The following BCL2L12 variants were observed in gnomAD, a reference collection of about 807,000 sequenced individuals.
BCL2L12 encodes the protein bcl-2-like protein 12.
In BCL2L12, 27 loss-of-function variants were observed where a neutral mutation model predicts 25.7. That is an observed-to-expected ratio of 1.05 (90% CI 0.78 to 1.45). BCL2L12 has a LOEUF of 1.45. BCL2L12 is among the 40% of genes most tolerant of loss of function. BCL2L12 has a pLI of 0.00. For synonymous variants in BCL2L12, 132 were observed against 145.6 expected (o/e 0.91, Z 0.67); for missense variants, 302 against 329.8 (o/e 0.92, Z 0.65).
intron 6 of BCL2L12, 128 bp from the exon 7 acceptor site, chr19:49,673,570 G>T (rs1474717292): frequency 3.9e-6 from 3 of 767,280 alleles, no homozygotes; most frequent in Non-Finnish European, 4.6e-6. Flanking sequence ...CCTTGTCTGG[G>T]TGTCTGTCAC....
chr19:49,668,092 C>CT (rs764611836), intron 3 of BCL2L12, among the ~76,000 whole-genome samples: 2,622 of 125,372 alleles, frequency 0.021, 74 homozygotes, highest in East Asian at 0.056. Flanking sequence ...CTCTGACATT[C>CT]TTTTTTTTTT....
chr19:49,665,683 A>C, upstream of BCL2L12: 1 of 1,173,406 alleles, frequency 8.5e-7, no homozygotes, highest in African/African-American at 1.5e-5. Context: ...CCTGTCTTGG[A>C]GCTCCGGGTA....
At chr19:49,668,444 A>G (rs2081874781) in intron 3 of BCL2L12, among the ~76,000 whole-genome samples, 1 of 152,108 alleles carries the variant, frequency 6.6e-6, no homozygotes, top group Admixed American at 6.5e-5. Flanking sequence ...CATAAAGTGA[A>G]AAGTACAAGG....
rs765735162 is a variant in BCL2L12 at position 49,670,332 on chromosome 19, C to T, written c.546C>T (p.Cys182=). 1.2e-6 allele frequency: 2 copies of T among 1,601,670 alleles called. No individual in the cohort carries two copies. The highest frequency in any genetic ancestry group is 1.7e-6 in the Non-Finnish European group (2 of 1,175,512). The change falls in exon 6 of 7, where the codon TGC becomes TGT. Residue 182 remains cysteine, a synonymous_variant. Coordinates refer to ENST00000246784, the MANE Select transcript of BCL2L12 (RefSeq NM_138639.2). ...RDDSSRPSRA[C]PGPPPPSPEP... ...ACAGCTCTCGCCCAAGCCGAGCATG[C>T]CCCGGGCCCCCGCCTCCTTCCCCGG...
At chr19:49,673,590 T>C (rs2082004079) in intron 6 of BCL2L12, 108 bp from the exon 7 acceptor site, 2 of 946,152 alleles carry the variant, frequency 2.1e-6, no homozygotes, top group Admixed American at 3.6e-5. Context: ...CCCTCCGCTC[T>C]CTGGTTCCTC....
intron 3 of BCL2L12, among the ~76,000 whole-genome samples, chr19:49,667,391 C>G (rs945604630): frequency 1.3e-5 from 2 of 152,156 alleles, no homozygotes; most frequent in African/African-American, 4.8e-5. Context: ...TAACTACTTC[C>G]CTGCCCCTAG....
chr19:49,673,539 C>G (rs558917287), intron 6 of BCL2L12, among the ~76,000 whole-genome samples, 159 bp from the exon 7 acceptor site: 1 of 152,264 alleles, frequency 6.6e-6, no homozygotes, highest in East Asian at 1.9e-4. Context: ...TCCCTGTGCC[C>G]TTCTGTCTGG....
intron 3 of BCL2L12, among the ~76,000 whole-genome samples, chr19:49,668,244 C>T (rs1355512224): frequency 2.6e-5 from 4 of 151,902 alleles, no homozygotes; most frequent in Admixed American, 6.6e-5. Context: ...TATAGGCATG[C>T]GCCACCATGC....
chr19:49,669,677 C>G (rs1324064980), intron 5 of BCL2L12, among the ~76,000 whole-genome samples: 1 of 151,538 alleles, frequency 6.6e-6, no homozygotes, highest in Non-Finnish European at 1.5e-5. Context: ...ACATTATCCA[C>G]AAGAGACTGG....
At chr19:49,669,425 A>G (rs759224825) in intron 5 of BCL2L12, among the ~76,000 whole-genome samples, 8 of 151,732 alleles carry the variant, frequency 5.3e-5, no homozygotes, top group Non-Finnish European at 1.2e-4. Context: ...AATCCCAGCT[A>G]CTCAGAAGGC....
At chr19:49,668,542 G>T (rs1045201805) in intron 3 of BCL2L12, among the ~76,000 whole-genome samples, 1 of 151,982 alleles carries the variant, frequency 6.6e-6, no homozygotes, top group Non-Finnish European at 1.5e-5. Context: ...GGTTGCTCAC[G>T]CCTGTAATCC....
At chr19:49,670,665 T>C (rs555860677) in intron 6 of BCL2L12, among the ~76,000 whole-genome samples, 177 bp downstream of exon 6, 2 of 152,352 alleles carry the variant, frequency 1.3e-5, no homozygotes, top group East Asian at 1.9e-4. Flanking sequence ...GCAGACACTA[T>C]GCCTGGCGTC....
At position 49,667,142 on chromosome 19, in the gene BCL2L12, C is replaced by T. The variant is rs907227604; in HGVS notation, c.231C>T (p.Pro77=). Residue 77 remains proline (P), a synonymous_variant, in exon 3 of 7, where the codon CCC becomes CCT. Transcript: ENST00000246784. ...SPRPCSLPIR[P]CYGLEPGPAT... is the part of the protein sequence containing the mutation. ...GGCCTTGCTCTCTGCCCATCCGCCCCTGCTATGGTTTAGAGCCTGGTAAGA... is the reference window on the plus strand; with the variant it reads ...GGCCTTGCTCTCTGCCCATCCGCCCTTGCTATGGTTTAGAGCCTGGTAAGA... 1 of 1,613,902 alleles carries T rather than the reference C, an allele frequency of 6.2e-7. No homozygotes were observed.
chr19:49,668,145 G>T (rs2081864301), intron 3 of BCL2L12, among the ~76,000 whole-genome samples: 1 of 149,586 alleles, frequency 6.7e-6, no homozygotes, highest in Admixed American at 6.7e-5. Context: ...GCCCAGGCTG[G>T]AGTGCAATGG....
intron 5 of BCL2L12, 59 bp downstream of exon 5, chr19:49,669,174 T>C: frequency 6.3e-7 from 1 of 1,592,478 alleles, no homozygotes; most frequent in South Asian, 1.1e-5. Flanking sequence ...GGTGGGGCAC[T>C]GGGATCAGAA....
At chr19:49,665,508 C>A, upstream of BCL2L12, 1 of 283,410 alleles carries the variant, frequency 3.5e-6, no homozygotes, top group Non-Finnish European at 6.7e-6. Flanking sequence ...ACTGTAGCTC[C>A]TTCCTTGCTC....
chr19:49,670,626 T>C (rs2081942549), intron 6 of BCL2L12, 138 bp downstream of exon 6: 1 of 1,199,868 alleles, frequency 8.3e-7, no homozygotes, highest in Non-Finnish European at 1.1e-6. Flanking sequence ...GTTGAGCCCT[T>C]GCTGTATGCC....
rs112226575 is a variant in BCL2L12, at chr19:49,672,930, C to T, written c.703-768C>T. On this transcript the variant is annotated intron_variant, in intron 6 of 6. Transcript: ENST00000246784. The surrounding 1 kb of genome is among the most constrained non-coding windows in gnomAD (Gnocchi z 4.1). The stretch of plus-strand genomic sequence containing the variant: ...TTGCCCAGACTGGAGTGCAGTGGCA[C>T]GACCTTGGCTCACTGCAACCTCCAC... 0.13 allele frequency among the ~76,000 whole-genome samples: 19,985 copies of T among 152,160 alleles called. 1,440 individuals carry two copies. Among genetic ancestry groups the T allele is most frequent in the Middle Eastern group, 0.18 (52 of 294 alleles).
chr19:49,670,975 G>A (rs1176624715), intron 6 of BCL2L12, among the ~76,000 whole-genome samples: 1 of 151,416 alleles, frequency 6.6e-6, no homozygotes, highest in Non-Finnish European at 1.5e-5. Flanking sequence ...GCTGGCCAAC[G>A]TGGTGAAACC....
Sources: allele counts gnomAD v4.1 joint callset (sites outside exome capture counted in the v4.1 genomes callset), GRCh38; gene constraint gnomAD v4.1.1; non-coding constraint Gnocchi (gnomAD v3.1); transcripts MANE v1.5; gene names NCBI Gene and HGNC (gene_info 2026-07-23, HGNC 2026-07-21).